CUL4A: variants seen among roughly 807,000 people sequenced by gnomAD.
CUL4A encodes the protein cullin 4A.
A neutral mutation model predicts 95.5 loss-of-function variants in CUL4A; 16 were observed. The ratio of observed to expected loss-of-function variants is 0.17; its 90% CI spans 0.11 to 0.25. The LOEUF (loss-of-function observed/expected upper bound fraction) is 0.25. Among genes scored for constraint, CUL4A ranks in the 10% least tolerant of loss-of-function variants. The probability of loss-of-function intolerance (pLI) is 1.00; values close to 1 mark genes in which losing one functional copy is unlikely to be tolerated. For synonymous variants in CUL4A, 380 were observed against 353.1 expected (o/e 1.08, Z -0.85); for missense variants, 610 against 937.0 (o/e 0.65, Z 4.56).
rs1282986430 is a variant in CUL4A at position 113,218,930 on chromosome 13, C to T, written c.265-15C>T. 2 of 1,555,108 alleles carry T rather than the reference C, an allele frequency of 1.3e-6. No homozygotes were observed. The highest frequency in any genetic ancestry group is 2.3e-5 in the South Asian group (2 of 87,438). ...TGTTCATACTGAAGAATTGATGTAG[C>T]CCTTTTGTTTGCAGGCTGTGGAAAA... On this transcript the variant is annotated splice_polypyrimidine_tract_variant and intron_variant, in intron 2 of 19. Coordinates refer to ENST00000375440, the MANE Select transcript of CUL4A (RefSeq NM_001008895.4).
At position 113,259,377 on chromosome 13, in the gene CUL4A, G is replaced by C. The variant is rs531562945; in HGVS notation, c.2032-1230G>C. ...GTCTCTCCCATCCTGAAGCATACTT[G>C]CCTCATATGTATGCACAGACCTTCC... On this transcript the variant is annotated intron_variant, in intron 18 of 19. Coordinates refer to ENST00000375440, the MANE Select transcript of CUL4A (RefSeq NM_001008895.4). 6.2e-4 allele frequency among the ~76,000 whole-genome samples: 94 copies of C among 152,288 alleles called. 1 individual carries two copies. Among genetic ancestry groups the C allele is most frequent in the African/African-American group, 2.1e-3 (86 of 41,568 alleles).
At chr13:113,243,290 A>G in intron 11 of CUL4A, 130 bp downstream of exon 11, 2 of 815,330 alleles carry the variant, frequency 2.5e-6, no homozygotes, top group South Asian at 2.1e-5. Flanking sequence ...GGGTGTGTGG[A>G]AAGCGTTTTT....
chr13:113,258,410 G>C (rs1276983660), intron 18 of CUL4A, among the ~76,000 whole-genome samples: 1 of 152,108 alleles, frequency 6.6e-6, no homozygotes, highest in African/African-American at 2.4e-5. Flanking sequence ...AATCCATATT[G>C]CATTAATTTA....
At chr13:113,221,149 G>A (rs187100175) in intron 3 of CUL4A, among the ~76,000 whole-genome samples, 5 of 152,282 alleles carry the variant, frequency 3.3e-5, no homozygotes, top group Non-Finnish European at 4.4e-5. Context: ...TGGAAACCCC[G>A]AGCAGCGGGC....
At chr13:113,218,795 A>C (rs1440782143) in intron 2 of CUL4A, 150 bp from the exon 3 acceptor site, 2 of 590,358 alleles carry the variant, frequency 3.4e-6, no homozygotes, top group African/African-American at 3.8e-5. Context: ...ACTTAGCCAT[A>C]ATAAGTAATT....
chr13:113,260,706 G>A lies in CUL4A; in HGVS notation c.2131G>A (p.Gly711Ser). 1 of 1,607,748 alleles carries A rather than the reference G, an allele frequency of 6.2e-7. No homozygotes were observed. Among genetic ancestry groups the A allele is most frequent in the Non-Finnish European group, 8.5e-7 (1 of 1,176,614 alleles). The change falls in exon 19 of 20, where the codon GGT becomes AGT. Residue 711 changes from glycine (G) to serine (S), a missense_variant. Transcript: ENST00000375440. ...VRIMKMRKTLGHNLLVSELYN... is the reference protein window; with the variant it reads ...VRIMKMRKTLSHNLLVSELYN... ...AATAATGAAGATGAGAAAGACTCTT[G>A]GTCATAATCTTCTAGTTTCTGAATT...
chr13:113,224,240 C>T (rs1344579049), intron 3 of CUL4A, among the ~76,000 whole-genome samples: 3 of 152,094 alleles, frequency 2.0e-5, no homozygotes, highest in Admixed American at 2.0e-4. Context: ...GTAGTCCCAG[C>T]TACTCGGGAG....
intron 9 of CUL4A, 74 bp downstream of exon 9, chr13:113,236,964 T>C: frequency 1.0e-6 from 1 of 994,756 alleles, no homozygotes; most frequent in Non-Finnish European, 1.6e-6. Flanking sequence ...AAGGGGGCAT[T>C]ACAAATAGCA....
At chr13:113,213,204 A>G (rs1421527995) in intron 2 of CUL4A, among the ~76,000 whole-genome samples, 1 of 152,132 alleles carries the variant, frequency 6.6e-6, no homozygotes, top group Non-Finnish European at 1.5e-5. Context: ...CCTAGGCAAC[A>G]TGGTGAAACC....
chr13:113,248,082 AG>A (rs1475930776), intron 15 of CUL4A, among the ~76,000 whole-genome samples: 5 of 152,014 alleles, frequency 3.3e-5, no homozygotes, highest in African/African-American at 1.2e-4. Context: ...CCTCCTGTGA[AG>A]GTGCTGGCTG....
In CUL4A at chr13:113,218,992, G is replaced by A. The variant is rs936864901; in HGVS notation, c.312G>A (p.Lys104=). Residue 104 remains lysine (K), a synonymous_variant, in exon 3 of 20, where the codon AAG becomes AAA. Transcript: ENST00000375440. ...ACAAAGTCTCCCCAATGCTCTACAA[G>A]CAACTGCGTCAGGCCTGTGAAGACC... ...CSHKVSPMLY[K]QLRQACEDHV... 1 of 1,613,854 alleles carries A rather than the reference G, an allele frequency of 6.2e-7. No homozygotes were observed. The highest frequency in any genetic ancestry group is 8.5e-7 in the Non-Finnish European group (1 of 1,179,970).
intron 10 of CUL4A, 106 bp from the exon 11 acceptor site, chr13:113,242,862 A>G: frequency 1.2e-6 from 1 of 830,820 alleles, no homozygotes. Flanking sequence ...AGTATTTACT[A>G]CTAAGAGTAA....
In CUL4A at chr13:113,235,096, T is replaced by A. The variant is rs753227832; in HGVS notation, c.799T>A (p.Leu267Ile). 3 of 1,613,270 alleles carry A rather than the reference T, an allele frequency of 1.9e-6. No homozygotes were observed. In the African/African-American group the frequency reaches 4.0e-5, roughly 22 times the overall value. The change falls in exon 8 of 20, where the codon TTA becomes ATA. Residue 267 changes from leucine (L) to isoleucine (I), a missense_variant. Leu to Ile is a conservative substitution (Grantham distance 5). This residue lies in a region of CUL4A where 153 missense variants were observed against 244.5 expected (regional missense o/e 0.63). Transcript: ENST00000375440. The part of the protein sequence containing the change: ...PEYLNHVSKR[L>I]EEEGDRVITY... ...ATATCTTAACCATGTAAGTAAACGC[T>A]TAGAGGAAGAGGGAGACAGAGTAAT...
chr13:113,239,583 G>A, intron 10 of CUL4A, 32 bp downstream of exon 10: 3 of 1,538,428 alleles, frequency 2.0e-6, no homozygotes, highest in Non-Finnish European at 2.7e-6. Context: ...CGCGGGCGTG[G>A]GCATTCCCTG....
At chr13:113,245,261 G>A (rs1280434171) in intron 14 of CUL4A, 24 bp downstream of exon 14, 3 of 1,609,520 alleles carry the variant, frequency 1.9e-6, no homozygotes, top group Non-Finnish European at 2.6e-6. Flanking sequence ...CTTAGGTAAA[G>A]CGGCTTTTTA....
chr13:113,264,309 T>C lies in CUL4A; in HGVS notation c.*727T>C, dbSNP rs566926096. 2.0e-5 allele frequency: 3 copies of C among 152,334 alleles called. No individual in the cohort carries two copies. Among genetic ancestry groups the C allele is most frequent in the African/African-American group, 7.2e-5 (3 of 41,588 alleles). 9.4% of individuals were successfully genotyped at this position (152,334 alleles called of 1,614,324 possible). A position where few individuals can be genotyped will look rare whatever the true frequency, so the allele number is the denominator to read the frequency against. Reference sequence around the variant, plus strand: ...GGCTAGTGTGTTTGTGTTTCCATTCTAAGATTGAGTCTGGCAGTCCCTGTT... The same window carrying C: ...GGCTAGTGTGTTTGTGTTTCCATTCCAAGATTGAGTCTGGCAGTCCCTGTT... On this transcript the variant is annotated 3_prime_UTR_variant, in exon 20 of 20. Coordinates refer to ENST00000375440, the MANE Select transcript of CUL4A (RefSeq NM_001008895.4).
chr13:113,210,378 T>C (rs538298389), intron 2 of CUL4A, among the ~76,000 whole-genome samples: 5 of 152,270 alleles, frequency 3.3e-5, no homozygotes, highest in Non-Finnish European at 7.3e-5. Flanking sequence ...TTTGCAAGTA[T>C]ACGGCAAATT....
intron 12 of CUL4A, 26 bp from the exon 13 acceptor site, chr13:113,244,923 G>T: frequency 7.0e-7 from 1 of 1,418,488 alleles, no homozygotes; most frequent in South Asian, 1.2e-5. Context: ...CTGATGTCTT[G>T]ATTATTCTCG....
chr13:113,259,944 G>A (rs948042274), intron 18 of CUL4A, among the ~76,000 whole-genome samples: 8 of 151,286 alleles, frequency 5.3e-5, no homozygotes, highest in East Asian at 3.9e-4. Context: ...GGTGGCTCAC[G>A]CCTGTAATCC....
Sources: gnomAD v4.1 joint callset for allele counts (sites outside exome capture counted in the v4.1 genomes callset) on GRCh38, gnomAD v4.1.1 for gene constraint, gnomAD v4.1.1 regional missense constraint, MANE v1.5 for transcripts, NCBI Gene and HGNC (gene_info 2026-07-23, HGNC 2026-07-21) for gene names.